The following METTL13 variants were observed in gnomAD, a reference collection of about 807,000 sequenced individuals.
METTL13 encodes the protein methyltransferase 13, eEF1A N-terminus and K55.
A neutral mutation model predicts 67.4 loss-of-function variants in METTL13; 52 were observed. The observed-to-expected ratio is 0.77, with a 90% CI of 0.62 to 0.97. The LOEUF is 0.97. METTL13 is among the 50% of genes least tolerant of loss of function. METTL13 has a pLI of 0.00. For missense variants in METTL13, 825 were observed against 889.6 expected, an observed-to-expected ratio of 0.93 and a Z score of 0.92; for synonymous variants, 354 against 353.6, an observed-to-expected ratio of 1.00 and a Z score of -0.01.
At chr1:171,793,054 C>G (rs1224385800) in intron 6 of METTL13, among the ~76,000 whole-genome samples, 1 of 152,184 alleles carries the variant, frequency 6.6e-6, no homozygotes, top group African/African-American at 2.4e-5. Context: ...CTTTCTGGAG[C>G]TCGAGTCCTT....
chr1:171,793,545 T>G (rs1375042639), intron 6 of METTL13, among the ~76,000 whole-genome samples: 1 of 152,256 alleles, frequency 6.6e-6, no homozygotes, highest in Non-Finnish European at 1.5e-5. Flanking sequence ...ATCTGTGCTA[T>G]GAACAATGAT....
chr1:171,792,486 C>CT (rs1469717123), intron 6 of METTL13, among the ~76,000 whole-genome samples: 1 of 152,300 alleles, frequency 6.6e-6, no homozygotes, highest in Non-Finnish European at 1.5e-5. Context: ...GACCAGTGGG[C>CT]TTTTTTCTGA....
chr1:171,795,181 C>T (rs1657327273), intron 7 of METTL13, among the ~76,000 whole-genome samples: 1 of 152,176 alleles, frequency 6.6e-6, no homozygotes, highest in Non-Finnish European at 1.5e-5. Context: ...TTGTGAGACT[C>T]ATTCACAGTG....
rs767302217 is a variant in METTL13 at position 171,784,163 on chromosome 1, G to T, written c.577G>T (p.Val193Leu). The change falls in exon 2 of 8, where the codon GTG becomes TTG. Residue 193 changes from valine (V) to leucine (L), a missense_variant. Physicochemically the swap from Val to Leu is conservative, Grantham distance 32. Transcript: ENST00000361735. ...VHQVANSQDQ[V>L]LEAEPQFSLP... The stretch of plus-strand genomic sequence containing the variant: ...CCAAGTGGCCAACAGCCAGGACCAG[G>T]TGTTGGAAGCAGAGCCTCAGTTCTC... 5.6e-6 allele frequency: 9 copies of T among 1,614,248 alleles called. No homozygotes were observed. The highest frequency in any genetic ancestry group is 7.6e-6 in the Non-Finnish European group (9 of 1,180,054).
At chr1:171,787,557 C>T (rs972821444) in intron 3 of METTL13, among the ~76,000 whole-genome samples, 178 bp from the exon 4 acceptor site, 1 of 152,130 alleles carries the variant, frequency 6.6e-6, no homozygotes, top group South Asian at 2.1e-4. Flanking sequence ...TGAATTAAAC[C>T]TTTGAGATCA....
chr1:171,788,657 G>A (rs1157284178), intron 4 of METTL13, among the ~76,000 whole-genome samples: 2 of 152,174 alleles, frequency 1.3e-5, no homozygotes, highest in Non-Finnish European at 2.9e-5. Flanking sequence ...GTGTTAGTTT[G>A]TATTTTAAAA....
rs151302128 is a variant in METTL13, at chr1:171,797,269, C to T, written c.*513C>T. 86 of 153,790 alleles carry T rather than the reference C, an allele frequency of 5.6e-4. 1 individual carries two copies. The highest frequency in any genetic ancestry group is 9.0e-4 in the Admixed American group (14 of 15,526). The allele number at this position is 153,790 out of a possible 1,614,324, so 9.5% of individuals were successfully genotyped here. On this transcript the variant is annotated 3_prime_UTR_variant, in exon 8 of 8. Coordinates refer to ENST00000361735, the MANE Select transcript of METTL13 (RefSeq NM_015935.5). ...CTCTGTCTCCCTGTGGATGAAACTG[C>T]TGCTGAAATGGTTCCAATTTTTAGG...
chr1:171,792,318 T>C (rs2232824), intron 6 of METTL13, 83 bp downstream of exon 6: 271,599 of 1,479,644 alleles, frequency 0.18, 25,813 homozygotes, highest in African/African-American at 0.23. Context: ...CTACAGTTTA[T>C]CTCTAAGAGA....
Position 171,787,219 on chromosome 1 carries a change from G to A in METTL13, c.1114-516G>A, listed in dbSNP as rs116743240. On this transcript the variant is annotated intron_variant, in intron 3 of 7. Transcript: ENST00000361735. ...AAATAAAGATAGGGGGAAGGAGTGG[G>A]AAAGTTTAGGGGGAAAGTATATTTT... Among the ~76,000 whole-genome samples the A allele has an allele frequency of 8.6e-3, 1,307 of 152,162 alleles. 32 individuals are homozygous for A. The highest frequency in any genetic ancestry group is 0.03 in the African/African-American group (1,234 of 41,504).
In METTL13 at chr1:171,790,626, A is replaced by G. The variant is rs764332991; in HGVS notation, c.1474+10A>G. 2 of 1,519,384 alleles carry G rather than the reference A, an allele frequency of 1.3e-6. No individual in the cohort carries two copies. Among genetic ancestry groups the G allele is most frequent in the Admixed American group, 2.3e-5 (1 of 44,336 alleles). 94.1% of individuals were successfully genotyped at this position (1,519,384 alleles called of 1,614,324 possible). On this transcript the variant is annotated intron_variant, in intron 5 of 7. Coordinates refer to ENST00000361735, the MANE Select transcript of METTL13 (RefSeq NM_015935.5). ...CCAGAGCTACTCCTAGGTGAGAGAG[A>G]TGCCACTGCCTTCCACAGAAGGGAG...
At position 171,796,834 on chromosome 1, in the gene METTL13, A is replaced by C. The variant is rs1293524862; in HGVS notation, c.*78A>C. The C allele has an allele frequency of 1.3e-6, 2 of 1,526,400 alleles. No individual in the cohort carries two copies. The highest frequency in any genetic ancestry group is 4.5e-5 in the East Asian group (2 of 44,214). 94.6% of individuals were successfully genotyped at this position (1,526,400 alleles called of 1,614,324 possible). On this transcript the variant is annotated 3_prime_UTR_variant, in exon 8 of 8. Coordinates refer to ENST00000361735, the MANE Select transcript of METTL13 (RefSeq NM_015935.5). ...GCCAGAGAATGAAGAAATACAACGC[A>C]CAGTACTTTTGAAGCTTCGTATTTT...
In METTL13 at chr1:171,797,235, G is replaced by C. The variant is rs2029865293; in HGVS notation, c.*479G>C. The C allele has an allele frequency of 6.5e-6, 1 of 154,722 alleles. No homozygotes were observed. Among genetic ancestry groups the C allele is most frequent in the African/African-American group, 2.4e-5 (1 of 41,464 alleles). 9.6% of individuals were successfully genotyped at this position (154,722 alleles called of 1,614,324 possible). A position where few individuals can be genotyped will look rare whatever the true frequency, so the allele number is the denominator to read the frequency against. ...CTATAGATGTGAGACAGATTTGAGA[G>C]AGCATTTACTCTGTCTCCCTGTGGA... On this transcript the variant is annotated 3_prime_UTR_variant, in exon 8 of 8. Transcript: ENST00000361735.
chr1:171,789,726 C>T (rs1295709629), intron 4 of METTL13, among the ~76,000 whole-genome samples: 1 of 151,978 alleles, frequency 6.6e-6, no homozygotes, highest in African/African-American at 2.4e-5. Flanking sequence ...ACGGGAGGTA[C>T]CAGGGCTCCT....
chr1:171,786,222 A>G (rs1657005382), intron 3 of METTL13, 144 bp downstream of exon 3: 2 of 912,814 alleles, frequency 2.2e-6, no homozygotes, highest in African/African-American at 3.4e-5. Context: ...TAAGGGTTAA[A>G]TGGCAGGGAA....
At chr1:171,787,686 T>C (rs1319011661) in intron 3 of METTL13, 49 bp from the exon 4 acceptor site, 2 of 1,551,010 alleles carry the variant, frequency 1.3e-6, no homozygotes, top group Non-Finnish European at 1.8e-6. Context: ...ATTTCTCTTA[T>C]TTCTTAAATG....
chr1:171,790,115 A>G (rs1009053624), intron 4 of METTL13, among the ~76,000 whole-genome samples: 2 of 152,242 alleles, frequency 1.3e-5, no homozygotes, highest in Non-Finnish European at 2.9e-5. Context: ...AGGGAGCAAA[A>G]GAGATGCCAG....
chr1:171,788,118 T>C (rs1469016317), intron 4 of METTL13, among the ~76,000 whole-genome samples, 188 bp downstream of exon 4: 3 of 151,686 alleles, frequency 2.0e-5, no homozygotes. Context: ...TCTGAAGTGA[T>C]AGGGGACGTG....
At chr1:171,796,331 T>C (rs78763165) in intron 7 of METTL13, 151 bp from the exon 8 acceptor site, 1 of 877,206 alleles carries the variant, frequency 1.1e-6, no homozygotes, top group Non-Finnish European at 1.8e-6. Context: ...TGCCTTTCTA[T>C]GCTGTGTATT....
chr1:171,792,147 G>T lies in METTL13; in HGVS notation c.1605G>T (p.Gln535His). The change falls in exon 6 of 8, where the codon CAG (glutamine) becomes CAT (histidine). Residue 535 changes from glutamine to histidine, a missense_variant. By Grantham distance (24) the Gln-to-His change is conservative (BLOSUM62 0). Coordinates refer to ENST00000361735, the MANE Select transcript of METTL13 (RefSeq NM_015935.5). ...CCTCCATGTTGGAAGTGGCCACCCA[G>T]TGGTTTGGCTTCTCCCAGAGTGACC... ...IDPSMLEVATQWFGFSQSDRM... is the reference protein window; with the variant it reads ...IDPSMLEVATHWFGFSQSDRM... 6.2e-7 allele frequency: 1 copy of T among 1,614,212 alleles called. No individual in the cohort carries two copies. Among genetic ancestry groups the T allele is most frequent in the Non-Finnish European group, 8.5e-7 (1 of 1,180,032 alleles).
Sources: allele counts gnomAD v4.1 joint callset (sites outside exome capture counted in the v4.1 genomes callset), GRCh38; gene constraint gnomAD v4.1.1; transcripts MANE v1.5; gene names NCBI Gene and HGNC (gene_info 2026-07-23, HGNC 2026-07-21).